Variants in SH3D19 observed in about 807,000 individuals in gnomAD.
SH3D19 encodes SH3 domain containing 19, also known as SH3 domain-containing protein 19.
In SH3D19, 58 loss-of-function variants were observed where a neutral mutation model predicts 112.1. The ratio of observed to expected loss-of-function variants is 0.52; its 90% confidence interval spans 0.42 to 0.64. The LOEUF is 0.64. Among genes scored for constraint, SH3D19 ranks in the 30% least tolerant of loss-of-function variants. The pLI is 0.00. For missense variants in SH3D19, 1,090 were observed against 1,263.4 expected (o/e 0.86, Z 2.08); for synonymous variants, 391 against 448.5 (o/e 0.87, Z 1.62).
chr4:151,258,419 G>C lies in SH3D19; in HGVS notation c.113-32333C>G, dbSNP rs577947690. Among the ~76,000 whole-genome samples the C allele has an allele frequency of 1.6e-4, 24 of 152,312 alleles. No homozygotes were observed. In the East Asian group the frequency reaches 4.4e-3, roughly 28 times the overall value. On this transcript the variant is annotated intron_variant, in intron 1 of 19. Coordinates refer to ENST00000604030, the MANE Select transcript of SH3D19 (RefSeq NM_001378122.1). Reference sequence around the variant, plus strand: ...CCAAATCAGGGATCTGCCCTCCATTGGTTCACCTTTGGTCAGGGGAGAATT... The same window carrying C: ...CCAAATCAGGGATCTGCCCTCCATTCGTTCACCTTTGGTCAGGGGAGAATT...
At chr4:151,296,508 C>T (rs1257251687) in intron 1 of SH3D19, among the ~76,000 whole-genome samples, 1 of 152,110 alleles carries the variant, frequency 6.6e-6, no homozygotes, top group African/African-American at 2.4e-5. Flanking sequence ...AATAAATAAA[C>T]ACACAATAAA....
intron 1 of SH3D19, among the ~76,000 whole-genome samples, chr4:151,303,746 A>C (rs1018812141): frequency 6.6e-6 from 1 of 152,132 alleles, no homozygotes; most frequent in Admixed American, 6.5e-5. Flanking sequence ...AAAGTAACAA[A>C]GGGGTTTGGG....
In SH3D19 at chr4:151,176,970, C is replaced by G; in HGVS notation, c.237-15G>C. 1.6e-6 allele frequency: 2 copies of G among 1,232,122 alleles called. No homozygotes were observed. The highest frequency in any genetic ancestry group is 2.0e-6 in the Non-Finnish European group (2 of 987,952). 76.3% of individuals were successfully genotyped at this position (1,232,122 alleles called of 1,614,324 possible). A position where few individuals can be genotyped will look rare whatever the true frequency, so the allele number is the denominator to read the frequency against. On this transcript the variant is annotated splice_polypyrimidine_tract_variant and intron_variant, in intron 4 of 19. Coordinates refer to ENST00000604030, the MANE Select transcript of SH3D19 (RefSeq NM_001378122.1). ...TCTCTGGGCGCCTAGTGGACAGAAG[C>G]CTCAGTGAGGTTTTGCAGAATGGTA...
chr4:151,123,984 A>G (rs1748602837), intron 19 of SH3D19, among the ~76,000 whole-genome samples: 1 of 152,222 alleles, frequency 6.6e-6, no homozygotes, highest in Non-Finnish European at 1.5e-5. Context: ...AATTCTGGCA[A>G]TTCAAAGTTT....
At chr4:151,189,091 A>G (rs1000731330) in intron 2 of SH3D19, among the ~76,000 whole-genome samples, 3 of 152,030 alleles carry the variant, frequency 2.0e-5, no homozygotes, top group African/African-American at 7.2e-5. Flanking sequence ...GTGAGACAGT[A>G]AGTTTCTGTT....
chr4:151,212,882 T>C (rs1766197181), intron 2 of SH3D19, among the ~76,000 whole-genome samples: 1 of 152,228 alleles, frequency 6.6e-6, no homozygotes, highest in South Asian at 2.1e-4. Flanking sequence ...CCATTAAGAA[T>C]ATCTGTGATT....
At chr4:151,165,899 C>T (rs1019353664) in intron 7 of SH3D19, 7 of 507,704 alleles carry the variant, frequency 1.4e-5, no homozygotes, top group Non-Finnish European at 2.1e-5. Flanking sequence ...ATTCATGCGG[C>T]TTTTCTTCCT....
At chr4:151,255,130 C>A (rs1270502829) in intron 1 of SH3D19, among the ~76,000 whole-genome samples, 7 of 150,568 alleles carry the variant, frequency 4.6e-5, no homozygotes, top group African/African-American at 1.5e-4. Context: ...GGGGCTGACC[C>A]CCCCCACCTC....
chr4:151,291,064 TC>T, intron 1 of SH3D19: 1 of 1,382,250 alleles, frequency 7.2e-7, no homozygotes. Context: ...TTATTACTAC[TC>T]TCTTCTTTAT....
At chr4:151,294,550 C>T (rs1454624684) in intron 1 of SH3D19, among the ~76,000 whole-genome samples, 1 of 152,216 alleles carries the variant, frequency 6.6e-6, no homozygotes, top group Non-Finnish European at 1.5e-5. Flanking sequence ...GGGCAGTTAG[C>T]CCAGCATGTT....
chr4:151,199,568 C>T (rs1418796229), intron 2 of SH3D19, among the ~76,000 whole-genome samples: 3 of 152,152 alleles, frequency 2.0e-5, no homozygotes, highest in Admixed American at 6.6e-5. Context: ...TGAAATAACT[C>T]GCCTGCTGCA....
chr4:151,208,800 C>A (rs1219298740), intron 2 of SH3D19, among the ~76,000 whole-genome samples: 1 of 152,118 alleles, frequency 6.6e-6, no homozygotes, highest in Non-Finnish European at 1.5e-5. Flanking sequence ...GCCTTAGCCT[C>A]CCGAGTAGCT....
intron 1 of SH3D19, among the ~76,000 whole-genome samples, chr4:151,238,859 A>C (rs760507414): frequency 2.0e-5 from 3 of 152,104 alleles, no homozygotes; most frequent in African/African-American, 7.2e-5. Flanking sequence ...TGTACAACAC[A>C]ACGTCTGTTG....
At chr4:151,319,074 G>C (rs1730286983) in intron 1 of SH3D19, among the ~76,000 whole-genome samples, 1 of 152,162 alleles carries the variant, frequency 6.6e-6, no homozygotes, top group Non-Finnish European at 1.5e-5. Context: ...TTTTGAGACA[G>C]AGTTTCACTC....
chr4:151,141,600 G>A (rs1174999708), intron 12 of SH3D19, among the ~76,000 whole-genome samples: 1 of 152,126 alleles, frequency 6.6e-6, no homozygotes, highest in African/African-American at 2.4e-5. Flanking sequence ...AGCTATGATT[G>A]TGCCACTATA....
At chr4:151,180,750 C>A (rs1760774296) in intron 3 of SH3D19, among the ~76,000 whole-genome samples, 1 of 148,916 alleles carries the variant, frequency 6.7e-6, no homozygotes, top group African/African-American at 2.5e-5. Context: ...GAGACTATTA[C>A]CTCTATTTTT....
intron 2 of SH3D19, among the ~76,000 whole-genome samples, chr4:151,215,648 G>T (rs566009760): frequency 6.6e-6 from 1 of 152,266 alleles, no homozygotes; most frequent in South Asian, 2.1e-4. Flanking sequence ...TGCTCACTCT[G>T]CATTTCTGGA....
chr4:151,283,252 C>CTGGTGATACTCAAAACATGAAGGATAGT lies in SH3D19; in HGVS notation c.112+41961_112+41988dup, dbSNP rs1561429604. On this transcript the variant is annotated intron_variant, in intron 1 of 19. Transcript: ENST00000604030. The stretch of plus-strand genomic sequence containing the variant: ...GTCATCAAGGAAGACAAGATTTGTG[C>CTGGTGATACTCAAAACATGAAGGATAGT]TGGTGATACTCAAAACATGAAGGAT... The CTGGTGATACTCAAAACATGAAGGATAGT allele has an allele frequency of 4.3e-6, 7 of 1,613,602 alleles. No individual in the cohort carries two copies. The Admixed American group carries it at 8.3e-5, about 19-fold the overall frequency.
At chr4:151,122,934 C>T (rs1384705751) in intron 19 of SH3D19, among the ~76,000 whole-genome samples, 1 of 151,330 alleles carries the variant, frequency 6.6e-6, no homozygotes, top group East Asian at 1.9e-4. Context: ...TCACTGCAAC[C>T]TCTGCCTCCC....
Sources: gnomAD v4.1 joint callset for allele counts (sites outside exome capture counted in the v4.1 genomes callset) on GRCh38, gnomAD v4.1.1 for gene constraint, MANE v1.5 for transcripts, NCBI Gene and HGNC (gene_info 2026-07-23, HGNC 2026-07-21) for gene names.